PRDM5: variants seen among roughly 807,000 people sequenced by gnomAD.
PRDM5 encodes the protein PR domain zinc finger protein 5.
A neutral mutation model predicts 81.2 loss-of-function variants in PRDM5; 56 were observed. The ratio of observed to expected loss-of-function variants is 0.69; its 90% CI spans 0.56 to 0.86. The LOEUF is 0.86. PRDM5 is among the 40% of genes least tolerant of loss of function. The pLI, the probability that PRDM5 is intolerant of heterozygous loss-of-function variation, is 0.00. For missense variants in PRDM5, 697 were observed against 770.1 expected (o/e 0.91, Z 1.12); for synonymous variants, 267 against 256.4 (o/e 1.04, Z -0.39).
At chr4:120,920,175 G>A (rs1346499795) in intron 1 of PRDM5, among the ~76,000 whole-genome samples, 5 of 152,160 alleles carry the variant, frequency 3.3e-5, no homozygotes, top group Non-Finnish European at 7.3e-5. Flanking sequence ...GGGGTTTCTA[G>A]CAAGATTCCC....
intron 3 of PRDM5, among the ~76,000 whole-genome samples, chr4:120,834,506 G>A (rs1757115225): frequency 6.6e-6 from 1 of 152,122 alleles, no homozygotes; most frequent in Non-Finnish European, 1.5e-5. Flanking sequence ...CCAGAACCGT[G>A]AGGAATAAAT....
intron 10 of PRDM5, among the ~76,000 whole-genome samples, chr4:120,789,363 A>G (rs1750242488): frequency 6.6e-6 from 1 of 152,216 alleles, no homozygotes; most frequent in Non-Finnish European, 1.5e-5. Context: ...CATGAGAATA[A>G]AATGAAATTA....
intron 3 of PRDM5, among the ~76,000 whole-genome samples, chr4:120,841,637 A>G (rs1250725776): frequency 1.3e-5 from 2 of 152,212 alleles, no homozygotes; most frequent in East Asian, 3.8e-4. Context: ...TACACCAAAA[A>G]TCTTGCCTGG....
chr4:120,816,278 A>C (rs1754472998), intron 7 of PRDM5, 175 bp downstream of exon 7: 1 of 970,458 alleles, frequency 1.0e-6, no homozygotes, highest in African/African-American at 1.6e-5. Context: ...GCTAAATTCA[A>C]CCTGAGAAAG....
rs72921512 is a variant in PRDM5 at position 120,741,326 on chromosome 4, A to C, written c.1623+13227T>G. On this transcript the variant is annotated intron_variant, in intron 14 of 15. Coordinates refer to ENST00000264808, the MANE Select transcript of PRDM5 (RefSeq NM_018699.4). Reference sequence around the variant, plus strand: ...TAACATCTTAATTCAAATAGAATGAACCTTTTTCTTTTTCCTTCAACATCA... The same window carrying C: ...TAACATCTTAATTCAAATAGAATGACCCTTTTTCTTTTTCCTTCAACATCA... Among the ~76,000 whole-genome samples the C allele has an allele frequency of 6.5e-3, 989 of 152,092 alleles. 13 individuals carry two copies. Among genetic ancestry groups the C allele is most frequent in the African/African-American group, 0.022 (928 of 41,508 alleles).
intron 1 of PRDM5, among the ~76,000 whole-genome samples, chr4:120,912,337 T>C (rs1376102): frequency 0.41 from 63,026 of 151,936 alleles, 15,669 homozygotes; most frequent in Non-Finnish European, 0.53. Context: ...CACTCCATAA[T>C]GTATTTTTGC....
chr4:120,779,731 G>A (rs543497258), intron 12 of PRDM5, among the ~76,000 whole-genome samples: 41 of 152,078 alleles, frequency 2.7e-4, no homozygotes, highest in African/African-American at 8.2e-4. Flanking sequence ...GTGAAACTCC[G>A]TCTCTACTAA....
intron 14 of PRDM5, among the ~76,000 whole-genome samples, chr4:120,715,555 A>C (rs1737622383): frequency 6.6e-6 from 1 of 152,210 alleles, no homozygotes; most frequent in Non-Finnish European, 1.5e-5. Context: ...AAACTTGAAA[A>C]TGAAAAGGTA....
At chr4:120,696,291 T>G (rs1247156558) in intron 15 of PRDM5, among the ~76,000 whole-genome samples, 3 of 152,148 alleles carry the variant, frequency 2.0e-5, no homozygotes, top group Non-Finnish European at 4.4e-5. Flanking sequence ...AACTGAAATC[T>G]GTCATCCTTT....
chr4:120,711,580 G>C (rs1430332554), intron 14 of PRDM5, among the ~76,000 whole-genome samples: 1 of 151,758 alleles, frequency 6.6e-6, no homozygotes. Flanking sequence ...AAAGTGCTGA[G>C]ATTACAGGTG....
chr4:120,899,192 A>AG (rs1343621534), intron 2 of PRDM5, among the ~76,000 whole-genome samples: 1 of 152,144 alleles, frequency 6.6e-6, no homozygotes, highest in Non-Finnish European at 1.5e-5. Flanking sequence ...ACCATACCTC[A>AG]GAAAAAAAGC....
intron 11 of PRDM5, among the ~76,000 whole-genome samples, chr4:120,783,616 C>T (rs1156512606): frequency 6.6e-6 from 1 of 152,110 alleles, no homozygotes; most frequent in Non-Finnish European, 1.5e-5. Flanking sequence ...TCATTCATCT[C>T]ATAACAGTTA....
intron 13 of PRDM5, among the ~76,000 whole-genome samples, chr4:120,764,006 C>A (rs1321996543): frequency 1.3e-5 from 2 of 150,466 alleles, no homozygotes; most frequent in Admixed American, 1.3e-4. Context: ...AAAAACAACA[C>A]AGAGAGTTAT....
At chr4:120,906,688 G>A (rs1765834005) in intron 2 of PRDM5, among the ~76,000 whole-genome samples, 1 of 152,126 alleles carries the variant, frequency 6.6e-6, no homozygotes, top group African/African-American at 2.4e-5. Flanking sequence ...CTCTGCTTAA[G>A]TGAAACTTTA....
chr4:120,731,618 C>T (rs931229408), intron 14 of PRDM5: 6 of 152,044 alleles, frequency 3.9e-5, no homozygotes, highest in East Asian at 3.9e-4. Context: ...AATTCCTCAC[C>T]GCCAAGTGTG....
At chr4:120,907,058 G>T (rs534029295) in intron 2 of PRDM5, among the ~76,000 whole-genome samples, 78 of 151,478 alleles carry the variant, frequency 5.1e-4, no homozygotes, top group African/African-American at 1.8e-3. Context: ...ATTTTGGCTG[G>T]GCACAGTGGC....
At chr4:120,712,077 G>A (rs184014448) in intron 14 of PRDM5, among the ~76,000 whole-genome samples, 2,919 of 152,174 alleles carry the variant, frequency 0.019, 71 homozygotes, top group Non-Finnish European at 0.023. Context: ...TCTGAGGTCA[G>A]CAGTTTGAGA....
chr4:120,842,278 T>C (rs1758127771), intron 3 of PRDM5, among the ~76,000 whole-genome samples: 1 of 152,180 alleles, frequency 6.6e-6, no homozygotes, highest in Non-Finnish European at 1.5e-5. Flanking sequence ...AGAGTAAAAA[T>C]GTGACACTTT....
chr4:120,795,641 C>T (rs558733062), intron 10 of PRDM5, among the ~76,000 whole-genome samples: 94 of 151,238 alleles, frequency 6.2e-4, no homozygotes, highest in Non-Finnish European at 9.7e-4. Flanking sequence ...GGCCAGGCAC[C>T]GTGTCTCTCA....
Sources: gnomAD v4.1 joint callset for allele counts (sites outside exome capture counted in the v4.1 genomes callset) on GRCh38, gnomAD v4.1.1 for gene constraint, MANE v1.5 for transcripts, NCBI Gene and HGNC (gene_info 2026-07-23, HGNC 2026-07-21) for gene names.